STAU2: variants seen among roughly 807,000 people sequenced by gnomAD.
STAU2 encodes the protein staufen double-stranded RNA binding protein 2.
In STAU2, 20 loss-of-function variants were observed where a neutral mutation model predicts 65.9. The ratio of observed to expected loss-of-function variants is 0.30; its 90% CI spans 0.21 to 0.44. STAU2 has a LOEUF of 0.44. Among genes scored for constraint, STAU2 ranks in the 20% least tolerant of loss-of-function variants. The probability of loss-of-function intolerance (pLI) is 1.00; values close to 1 mark genes in which losing one functional copy is unlikely to be tolerated. For synonymous variants in STAU2, 232 were observed against 233.9 expected (o/e 0.99, Z 0.07); for missense variants, 558 against 683.9 (o/e 0.82, Z 2.05).
chr8:73,638,851 A>G (rs1247234070), intron 6 of STAU2, among the ~76,000 whole-genome samples: 2 of 151,994 alleles, frequency 1.3e-5, no homozygotes, highest in African/African-American at 4.8e-5. Flanking sequence ...TTTAGTTGGT[A>G]CAAGTAGTAA....
At chr8:73,622,596 A>C (rs1263976769) in intron 6 of STAU2, among the ~76,000 whole-genome samples, 1 of 152,152 alleles carries the variant, frequency 6.6e-6, no homozygotes, top group Non-Finnish European at 1.5e-5. Context: ...CTTCCTAAAA[A>C]TCTGCTTTAT....
chr8:73,573,066 A>C (rs1809235949), intron 12 of STAU2, among the ~76,000 whole-genome samples: 1 of 152,222 alleles, frequency 6.6e-6, no homozygotes, highest in South Asian at 2.1e-4. Flanking sequence ...TCAGGATACA[A>C]AATCAATGTG....
At chr8:73,651,459 T>C (rs1281515844) in intron 6 of STAU2, 1 of 676,816 alleles carries the variant, frequency 1.5e-6, no homozygotes, top group East Asian at 3.1e-5. Flanking sequence ...GAACGGCAAA[T>C]GCAGGACTCC....
intron 1 of STAU2, among the ~76,000 whole-genome samples, chr8:73,741,317 A>AAAAAAAAAAAAAAT: frequency 6.6e-6 from 1 of 151,000 alleles, no homozygotes; most frequent in Non-Finnish European, 1.5e-5. Flanking sequence ...AAAAAAAAAA[A>AAAAAAAAAAAAAAT]TTAACATTAT....
At chr8:73,494,269 A>T (rs897338412) in intron 13 of STAU2, among the ~76,000 whole-genome samples, 2 of 151,720 alleles carry the variant, frequency 1.3e-5, no homozygotes, top group Non-Finnish European at 3.0e-5. Flanking sequence ...GAAATCCAAT[A>T]CAAAAATGAG....
In STAU2 at chr8:73,515,883, A is replaced by C. The variant is rs543940826; in HGVS notation, c.1530+36129T>G. Among the ~76,000 whole-genome samples, 113 of 141,176 alleles carry C rather than the reference A, an allele frequency of 8.0e-4. 2 individuals carry two copies. The highest frequency in any genetic ancestry group is 2.9e-3 in the African/African-American group (108 of 37,390). The allele number at this position is 141,176 out of a possible 152,430, so 92.6% of individuals were successfully genotyped here. A position where few individuals can be genotyped will look rare whatever the true frequency, so the allele number is the denominator to read the frequency against. ...CCACCTTCCAGGTCTTCAGCATATC[A>C]GTCTTTTAGAGTAAGACATTTAAGT... On this transcript the variant is annotated intron_variant, in intron 13 of 14. Coordinates refer to ENST00000524300, the MANE Select transcript of STAU2 (RefSeq NM_001164380.2).
At chr8:73,534,279 G>A (rs190020391) in intron 13 of STAU2, among the ~76,000 whole-genome samples, 31 of 152,202 alleles carry the variant, frequency 2.0e-4, no homozygotes, top group African/African-American at 5.8e-4. Context: ...CTTGATTTTC[G>A]CAACGTCTGC....
intron 13 of STAU2, among the ~76,000 whole-genome samples, chr8:73,539,922 GA>G (rs1301153970): frequency 6.6e-6 from 1 of 151,284 alleles, no homozygotes; most frequent in Non-Finnish European, 1.5e-5. Context: ...GAATCTGTGG[GA>G]CAATATCTAA....
intron 13 of STAU2, among the ~76,000 whole-genome samples, chr8:73,441,933 AT>A (rs1017078666): frequency 6.6e-6 from 1 of 152,038 alleles, no homozygotes; most frequent in South Asian, 2.1e-4. Context: ...TCTAGAAAGT[AT>A]TTTTTTTAAA....
At chr8:73,550,870 AC>A in intron 13 of STAU2, 1 of 987,508 alleles carries the variant, frequency 1.0e-6, no homozygotes, top group Non-Finnish European at 1.2e-6. Flanking sequence ...AAAAATCCGA[AC>A]ATGCAAAATA....
At chr8:73,494,345 T>G (rs946765449) in intron 13 of STAU2, among the ~76,000 whole-genome samples, 5 of 151,722 alleles carry the variant, frequency 3.3e-5, no homozygotes, top group African/African-American at 1.2e-4. Context: ...ATATTAATTA[T>G]ACAATTTAGG....
intron 13 of STAU2, among the ~76,000 whole-genome samples, chr8:73,470,703 C>A (rs780886612): frequency 2.6e-5 from 4 of 151,996 alleles, no homozygotes; most frequent in Non-Finnish European, 5.9e-5. Flanking sequence ...ACACTGGAGA[C>A]TGAAGTGGGA....
chr8:73,669,332 G>A (rs1817487851), intron 6 of STAU2, among the ~76,000 whole-genome samples: 1 of 152,050 alleles, frequency 6.6e-6, no homozygotes, highest in Admixed American at 6.5e-5. Flanking sequence ...TCATGGAATG[G>A]CCTAAGGCAC....
intron 6 of STAU2, among the ~76,000 whole-genome samples, chr8:73,655,815 A>AT (rs376005106): frequency 6.6e-6 from 1 of 151,550 alleles, no homozygotes; most frequent in Non-Finnish European, 1.5e-5. Context: ...CACCCGGCTA[A>AT]TTTTTTGTAT....
At chr8:73,692,689 C>T (rs766092070) in intron 4 of STAU2, among the ~76,000 whole-genome samples, 15 of 152,160 alleles carry the variant, frequency 9.9e-5, no homozygotes, top group African/African-American at 1.4e-4. Context: ...AGATTTGTGA[C>T]TGTCATGTGA....
intron 4 of STAU2, among the ~76,000 whole-genome samples, chr8:73,689,864 T>C (rs2130532424): frequency 6.6e-6 from 1 of 152,158 alleles, no homozygotes. Context: ...GAAGTATATA[T>C]CAACAACCAT....
upstream of STAU2, chr8:73,746,914 T>G (rs1292411645): frequency 1.1e-6 from 1 of 933,198 alleles, no homozygotes; most frequent in Non-Finnish European, 1.3e-6. Context: ...TCCGCCCGCC[T>G]CCCCGGCGCT....
chr8:73,430,698 A>C (rs1200625423), intron 13 of STAU2, among the ~76,000 whole-genome samples: 3 of 152,216 alleles, frequency 2.0e-5, no homozygotes, highest in Non-Finnish European at 4.4e-5. Flanking sequence ...AGTCCACAAA[A>C]ATGTTTTACT....
intron 6 of STAU2, among the ~76,000 whole-genome samples, chr8:73,641,054 CTGAG>C (rs1814921864): frequency 2.0e-5 from 3 of 152,134 alleles, no homozygotes; most frequent in Admixed American, 1.3e-4. Flanking sequence ...TACTTGCCCA[CTGAG>C]TGATACAAAG....
Sources: gnomAD v4.1 joint callset for allele counts (sites outside exome capture counted in the v4.1 genomes callset) on GRCh38, gnomAD v4.1.1 for gene constraint, MANE v1.5 for transcripts, NCBI Gene and HGNC (gene_info 2026-07-23, HGNC 2026-07-21) for gene names.